Variants in SLC25A42 observed in about 807,000 individuals in gnomAD.
SLC25A42 encodes mitochondrial coenzyme A transporter SLC25A42.
Under a neutral mutation model 34.7 loss-of-function variants are expected in SLC25A42, and 19 were observed. That is an observed-to-expected ratio of 0.55 (90% CI 0.38 to 0.80). The LOEUF (loss-of-function observed/expected upper bound fraction) is 0.80. SLC25A42 is among the 30% of genes least tolerant of loss of function. The probability of loss-of-function intolerance (pLI) is 0.00; values close to 1 mark genes in which losing one functional copy is unlikely to be tolerated. For synonymous variants in SLC25A42, 205 were observed against 191.2 expected (o/e 1.07, Z -0.59); for missense variants, 364 against 441.3 (o/e 0.82, Z 1.57).
chr19:19,087,460 G>A (rs1487418509), intron 1 of SLC25A42, among the ~76,000 whole-genome samples: 1 of 152,134 alleles, frequency 6.6e-6, no homozygotes, highest in Non-Finnish European at 1.5e-5. Flanking sequence ...GCTGATTTTT[G>A]TATTTTTAGT....
At chr19:19,066,737 C>T (rs2059604677) in intron 1 of SLC25A42, among the ~76,000 whole-genome samples, 1 of 152,094 alleles carries the variant, frequency 6.6e-6, no homozygotes, top group East Asian at 1.9e-4. Context: ...AGGCGTGAGC[C>T]ACTGCGCCCA....
rs775140375 is a variant in SLC25A42 at position 19,096,078 on chromosome 19, C to T, written c.-34-13C>T. ...ATCTCGCCGTATCTTACCACCTCCC[C>T]TTACCCCCCCAGGACCGAGTCTCCT... On this transcript the variant is annotated splice_polypyrimidine_tract_variant and intron_variant, in intron 1 of 7. Transcript: ENST00000318596. The T allele has an allele frequency of 6.4e-7, 1 of 1,552,898 alleles. No homozygotes were observed. Among genetic ancestry groups the T allele is most frequent in the South Asian group, 1.1e-5 (1 of 89,074 alleles).
At chr19:19,077,115 C>T (rs946671729) in intron 1 of SLC25A42, among the ~76,000 whole-genome samples, 1 of 152,054 alleles carries the variant, frequency 6.6e-6, no homozygotes, top group South Asian at 2.1e-4. Context: ...GCCGGGGAGT[C>T]GGAGGCCGCA....
At chr19:19,090,064 G>A (rs1490635232) in intron 1 of SLC25A42, among the ~76,000 whole-genome samples, 2 of 152,124 alleles carry the variant, frequency 1.3e-5, no homozygotes, top group African/African-American at 4.8e-5. Flanking sequence ...CTAGTGTCCT[G>A]TCCCACCTTG....
intron 1 of SLC25A42, among the ~76,000 whole-genome samples, chr19:19,095,748 C>T (rs2059761015): frequency 6.6e-6 from 1 of 152,184 alleles, no homozygotes. Flanking sequence ...GGATGTTTGG[C>T]CTGACAGTGG....
chr19:19,106,441 C>T (rs2059828928), intron 6 of SLC25A42, 56 bp downstream of exon 6: 2 of 1,445,984 alleles, frequency 1.4e-6, no homozygotes, highest in African/African-American at 2.9e-5. Context: ...GTCTCGGGGG[C>T]TCCCAGGTCG....
At chr19:19,064,382 C>T (rs911873437) in intron 1 of SLC25A42, among the ~76,000 whole-genome samples, 1 of 151,578 alleles carries the variant, frequency 6.6e-6, no homozygotes, top group African/African-American at 2.4e-5. Context: ...GCCTTGTCCC[C>T]GGCGCCCCGC....
rs186385936 is a variant in SLC25A42, at chr19:19,066,368, A to G, written c.-35+2253A>G. ...CCCACCCCTTTTAAACCACTGGTAAATTTGCATTGAGCAGACATATGCATT... is the reference window on the plus strand; with the variant it reads ...CCCACCCCTTTTAAACCACTGGTAAGTTTGCATTGAGCAGACATATGCATT... On this transcript the variant is annotated intron_variant, in intron 1 of 7. Coordinates refer to ENST00000318596, the MANE Select transcript of SLC25A42 (RefSeq NM_178526.5). Among the ~76,000 whole-genome samples, 11 of 152,042 alleles carry G rather than the reference A, an allele frequency of 7.2e-5. No individual in the cohort carries two copies. The East Asian group carries it at 2.1e-3, about 29-fold the overall frequency.
At chr19:19,087,285 A>G (rs1054054617) in intron 1 of SLC25A42, among the ~76,000 whole-genome samples, 2 of 151,472 alleles carry the variant, frequency 1.3e-5, no homozygotes, top group African/African-American at 4.9e-5. Context: ...AGATGTCAGG[A>G]TCTCTTTTTG....
intron 2 of SLC25A42, among the ~76,000 whole-genome samples, chr19:19,097,106 C>G (rs1435173490): frequency 6.6e-6 from 1 of 152,206 alleles, no homozygotes. Context: ...CCAGAACCCC[C>G]ACTGGCCCCT....
At chr19:19,096,010 CTGGGATAGGAAAAGGCTGG>C (rs759435972) in intron 1 of SLC25A42, 62 bp from the exon 2 acceptor site, 1 of 946,664 alleles carries the variant, frequency 1.1e-6, no homozygotes, top group Admixed American at 2.0e-5. Flanking sequence ...GAGCCAGAAA[CTGGGATAGGAAAAGGCTGG>C]TGGAACACCC....
chr19:19,089,875 C>T (rs2059729016), intron 1 of SLC25A42, among the ~76,000 whole-genome samples: 1 of 152,000 alleles, frequency 6.6e-6, no homozygotes, highest in Admixed American at 6.6e-5. Context: ...TCTCAAAAAA[C>T]AAAAACAAAA....
intron 6 of SLC25A42, 31 bp from the exon 7 acceptor site, chr19:19,107,863 T>C: frequency 6.2e-7 from 1 of 1,612,704 alleles, no homozygotes; most frequent in Non-Finnish European, 8.5e-7. Context: ...GAGGCCTGAG[T>C]CCCACCTGCT....
chr19:19,068,424 T>G (rs149771452), intron 1 of SLC25A42, among the ~76,000 whole-genome samples: 2,888 of 151,092 alleles, frequency 0.019, 86 homozygotes, highest in African/African-American at 0.067. Context: ...CCTAGCACTT[T>G]GGGAGGCCGA....
At chr19:19,074,948 T>C (rs2059648959) in intron 1 of SLC25A42, among the ~76,000 whole-genome samples, 1 of 151,946 alleles carries the variant, frequency 6.6e-6, no homozygotes, top group Non-Finnish European at 1.5e-5. Flanking sequence ...GCCAGGAGTT[T>C]GAGACCAGCC....
chr19:19,077,209 G>A (rs1399911411), intron 1 of SLC25A42, among the ~76,000 whole-genome samples: 2 of 151,972 alleles, frequency 1.3e-5, no homozygotes, highest in Non-Finnish European at 2.9e-5. Context: ...TAAAAAGTGT[G>A]GTAAAATACA....
intron 1 of SLC25A42, 198 bp from the exon 2 acceptor site, chr19:19,095,893 G>A (rs1287151995): frequency 9.4e-6 from 6 of 639,830 alleles, no homozygotes; most frequent in Non-Finnish European, 1.7e-5. Context: ...GACTGTTTGT[G>A]AGGATTACAT....
intron 1 of SLC25A42, among the ~76,000 whole-genome samples, chr19:19,071,935 A>G (rs528119048): frequency 6.6e-6 from 1 of 152,280 alleles, no homozygotes; most frequent in East Asian, 1.9e-4. Context: ...CAAATCATCT[A>G]AGTTTTGTTT....
intron 1 of SLC25A42, among the ~76,000 whole-genome samples, chr19:19,088,612 C>T (rs1460468683): frequency 6.6e-6 from 1 of 152,054 alleles, no homozygotes; most frequent in Non-Finnish European, 1.5e-5. Flanking sequence ...GCCTCAGCCT[C>T]CTCAGTAGCT....
Sources: gnomAD v4.1 joint callset for allele counts (sites outside exome capture counted in the v4.1 genomes callset) on GRCh38, gnomAD v4.1.1 for gene constraint, MANE v1.5 for transcripts, NCBI Gene and HGNC (gene_info 2026-07-23, HGNC 2026-07-21) for gene names.